RYR2: variants seen among roughly 807,000 people sequenced by gnomAD.
RYR2 encodes cardiac muscle ryanodine receptor-calcium release channel.
RYR2 carries 227 observed loss-of-function variants against 601.1 expected under a neutral mutation model. That is an observed-to-expected ratio of 0.38 (90% CI 0.34 to 0.42). The LOEUF is 0.42. Among genes scored for constraint, RYR2 ranks in the 10% least tolerant of loss-of-function variants. The pLI is 1.00. For missense variants in RYR2, 4,646 were observed against 6,156.5 expected, an observed-to-expected ratio of 0.75 and a Z score of 8.21; for synonymous variants, 2,223 against 2,175.1, an observed-to-expected ratio of 1.02 and a Z score of -0.61.
chr1:237,432,983 A>G (rs115179236), intron 12 of RYR2, among the ~76,000 whole-genome samples: 2,393 of 151,724 alleles, frequency 0.016, 63 homozygotes, highest in African/African-American at 0.055. Context: ...TATAATTTAA[A>G]TAAATTTAAT....
At chr1:237,281,783 A>C (rs1439294824) in intron 2 of RYR2, among the ~76,000 whole-genome samples, 1 of 152,222 alleles carries the variant, frequency 6.6e-6, no homozygotes, top group Non-Finnish European at 1.5e-5. Context: ...GCACTGGTGG[A>C]AGTACAGAAT....
intron 25 of RYR2, among the ~76,000 whole-genome samples, chr1:237,548,197 C>G (rs1250881011): frequency 6.6e-6 from 1 of 152,126 alleles, no homozygotes; most frequent in Non-Finnish European, 1.5e-5. Flanking sequence ...GGTAAGTTGT[C>G]TCATTTCTGT....
intron 25 of RYR2, among the ~76,000 whole-genome samples, chr1:237,540,804 C>A (rs1476780249): frequency 6.6e-6 from 1 of 151,600 alleles, no homozygotes; most frequent in African/African-American, 2.4e-5. Context: ...CAGCCTTAGC[C>A]CTAATGCTGT....
chr1:237,632,364 T>C (rs1174205574), intron 42 of RYR2, among the ~76,000 whole-genome samples: 2 of 151,998 alleles, frequency 1.3e-5, no homozygotes, highest in African/African-American at 4.8e-5. Context: ...TTGGATGTAT[T>C]TGTTGTAGAA....
At position 237,710,261 on chromosome 1, in the gene RYR2, T is replaced by C. The variant is rs3766883; in HGVS notation, c.10230+694T>C. ...CCTGAATTATTTTAAAAATTTAGAA[T>C]TTTTATATCAATTATAATTCTATGC... On this transcript the variant is annotated intron_variant, in intron 70 of 104. Coordinates refer to ENST00000366574, the MANE Select transcript of RYR2 (RefSeq NM_001035.3). Among the ~76,000 whole-genome samples the C allele has an allele frequency of 3.2e-4, 48 of 152,290 alleles. No homozygotes were observed. The East Asian group carries it at 9.1e-3, about 29-fold the overall frequency.
chr1:237,154,394 A>G (rs1156343671), intron 1 of RYR2, among the ~76,000 whole-genome samples: 1 of 152,246 alleles, frequency 6.6e-6, no homozygotes, highest in Non-Finnish European at 1.5e-5. Context: ...GCAGTGATTC[A>G]GTGATGAAGA....
intron 3 of RYR2, among the ~76,000 whole-genome samples, chr1:237,345,544 C>A (rs1698232771): frequency 6.6e-6 from 1 of 151,586 alleles, no homozygotes; most frequent in South Asian, 2.1e-4. Flanking sequence ...TCAGAAAACA[C>A]TGAAACAGTA....
intron 36 of RYR2, among the ~76,000 whole-genome samples, chr1:237,613,541 A>G (rs998603544): frequency 1.3e-5 from 2 of 152,166 alleles, no homozygotes; most frequent in African/African-American, 4.8e-5. Flanking sequence ...ATCTCGGCTC[A>G]TTGCCACAGA....
intron 1 of RYR2, among the ~76,000 whole-genome samples, chr1:237,098,839 G>T (rs1667765968): frequency 6.6e-6 from 1 of 152,186 alleles, no homozygotes. Context: ...ATAAATTCTG[G>T]AGATGATTCA....
chr1:237,756,110 A>G lies in RYR2; in HGVS notation c.11146-178A>G, dbSNP rs76402170. On this transcript the variant is annotated intron_variant, in intron 80 of 104. Transcript: ENST00000366574. ...CATATCAAGAAAACTATAAAGGGGG[A>G]AAAAAAAACAATAGTTGAATATGTT... 0.024 allele frequency among the ~76,000 whole-genome samples: 419 copies of G among 17,312 alleles called. 6 individuals carry two copies. Among genetic ancestry groups the G allele is most frequent in the African/African-American group, 0.017 (46 of 2,630 alleles). 11.4% of individuals were successfully genotyped at this position (17,312 alleles called of 152,430 possible).
At chr1:237,551,526 G>C (rs1356028846) in intron 27 of RYR2, among the ~76,000 whole-genome samples, 1 of 42,332 alleles carries the variant, frequency 2.4e-5, no homozygotes, top group Non-Finnish European at 4.8e-5. Context: ...GCAAGACTCC[G>C]TCTCAAAAAA....
chr1:237,427,381 T>C (rs1706282742), intron 12 of RYR2, among the ~76,000 whole-genome samples: 1 of 152,222 alleles, frequency 6.6e-6, no homozygotes, highest in Non-Finnish European at 1.5e-5. Flanking sequence ...AATTTAAAAT[T>C]AAAATAATTT....
At chr1:237,357,403 A>T (rs926736663) in intron 4 of RYR2, among the ~76,000 whole-genome samples, 5 of 152,084 alleles carry the variant, frequency 3.3e-5, no homozygotes, top group African/African-American at 9.7e-5. Context: ...CCATCCTTGC[A>T]TCCCTTCACT....
chr1:237,088,643 G>C (rs1277376415), intron 1 of RYR2, among the ~76,000 whole-genome samples: 1 of 152,152 alleles, frequency 6.6e-6, no homozygotes. Flanking sequence ...CTTGGCTTAG[G>C]ATTAAACCAG....
chr1:237,364,812 C>T (rs1032518069), intron 5 of RYR2, among the ~76,000 whole-genome samples: 2 of 152,170 alleles, frequency 1.3e-5, no homozygotes, highest in Admixed American at 1.3e-4. Flanking sequence ...TGCATTTATG[C>T]CCTTTTGCAT....
intron 29 of RYR2, among the ~76,000 whole-genome samples, chr1:237,585,786 G>C (rs1572979672): frequency 6.6e-6 from 1 of 151,886 alleles, no homozygotes; most frequent in Non-Finnish European, 1.5e-5. Context: ...CCTTTAAAGG[G>C]GACCAAAACA....
intron 4 of RYR2, among the ~76,000 whole-genome samples, chr1:237,357,631 A>G (rs1699414229): frequency 6.6e-6 from 1 of 151,850 alleles, no homozygotes; most frequent in Non-Finnish European, 1.5e-5. Flanking sequence ...TTTTATTTGT[A>G]TTAAGTTTAT....
In RYR2 at chr1:237,426,480, G is replaced by T. The variant is rs549371632; in HGVS notation, c.1005+3232G>T. Among the ~76,000 whole-genome samples, 9 of 152,210 alleles carry T rather than the reference G, an allele frequency of 5.9e-5. No individual in the cohort carries two copies. The South Asian group carries it at 1.9e-3, about 32-fold the overall frequency. ...CTAGCTAGCAGAGGGGTGGGAATTT[G>T]CTAGTTTATCTACTGATAGCACCTC... On this transcript the variant is annotated intron_variant, in intron 12 of 104. Coordinates refer to ENST00000366574, the MANE Select transcript of RYR2 (RefSeq NM_001035.3).
chr1:237,756,280 G>C lies in RYR2; in HGVS notation c.11146-8G>C. The C allele has an allele frequency of 6.3e-7, 1 of 1,590,488 alleles. No individual in the cohort carries two copies. The highest frequency in any genetic ancestry group is 8.6e-7 in the Non-Finnish European group (1 of 1,158,690). ...CCCTCAACATAAATGGTTGGGATTT[G>C]TGTTCAGGAAAAAGAAATGGAAAAG... is the stretch of plus-strand genomic sequence containing the variant. On this transcript the variant is annotated splice_polypyrimidine_tract_variant and splice_region_variant and intron_variant, in intron 80 of 104. Transcript: ENST00000366574.
Sources: allele counts gnomAD v4.1 joint callset (sites outside exome capture counted in the v4.1 genomes callset), GRCh38; gene constraint gnomAD v4.1.1; transcripts MANE v1.5; gene names NCBI Gene and HGNC (gene_info 2026-07-23, HGNC 2026-07-21).